Variants in OTC observed in about 807,000 individuals in gnomAD.
OTC encodes ornithine transcarbamylase, mitochondrial.
A neutral mutation model predicts 30.3 loss-of-function variants in OTC; 3 were observed. That is an observed-to-expected ratio of 0.10 (90% CI 0.05 to 0.26). OTC has a LOEUF of 0.26. OTC is among the 10% of genes least tolerant of loss of function. The probability of loss-of-function intolerance (pLI) is 1.00; values close to 1 mark genes in which losing one functional copy is unlikely to be tolerated. For missense variants in OTC, 194 were observed against 260.3 expected (o/e 0.75, Z 1.75); for synonymous variants, 111 against 99.7 (o/e 1.11, Z -0.67).
At chrX:38,422,612 C>T (rs1194035183), downstream of OTC, among the ~76,000 whole-genome samples, 1 of 111,957 alleles carries the variant, frequency 8.9e-6, no homozygotes, top group Non-Finnish European at 1.9e-5. Context: ...ATTTTCTTGC[C>T]AAAATATAGT....
chrX:38,348,380 C>T (rs1354372157), upstream of OTC, among the ~76,000 whole-genome samples: 1 of 111,274 alleles, frequency 9.0e-6, no homozygotes, highest in African/African-American at 3.3e-5. Context: ...CCTTTGACTA[C>T]CGATTAAATT....
chrX:38,417,258 A>G (rs773837130), intron 9 of OTC, among the ~76,000 whole-genome samples: 77 of 111,887 alleles, frequency 6.9e-4, no homozygotes, highest in Non-Finnish European at 1.1e-3. Context: ...TAAAGGCAAT[A>G]TAGGGAATTG....
At chrX:38,338,395 C>G in the OTC span, among the ~76,000 whole-genome samples, 1 of 112,223 alleles carries the variant, frequency 8.9e-6, no homozygotes, top group Non-Finnish European at 1.9e-5. Flanking sequence ...TTCTAAAGTT[C>G]AGTTTACTGT....
intron 4 of OTC, among the ~76,000 whole-genome samples, chrX:38,381,899 A>G (rs1467938313): frequency 8.9e-6 from 1 of 112,483 alleles, no homozygotes; most frequent in African/African-American, 3.2e-5. Flanking sequence ...AAACAACTTA[A>G]TTAGGCACAG....
intron 6 of OTC, among the ~76,000 whole-genome samples, chrX:38,407,383 T>G (rs2068520444): frequency 8.9e-6 from 1 of 112,288 alleles, no homozygotes; most frequent in South Asian, 3.8e-4. Context: ...CCTTTATTCA[T>G]GATTATTCCT....
chrX:38,413,003 G>A (rs998164524), intron 9 of OTC, among the ~76,000 whole-genome samples: 5 of 111,722 alleles, frequency 4.5e-5, no homozygotes, highest in Non-Finnish European at 9.4e-5. Flanking sequence ...TTCTCTACCT[G>A]CATATGTAGC....
Position 38,403,537 on chromosome X carries a change from CTATT to C in OTC, c.541-75_541-72del, listed in dbSNP as rs1333442118. ...CAAGGCACTAATACTGAGATTAAGA[CTATT>C]TATTTTAACCTTAGTAATTGCTACA... On this transcript the variant is annotated intron_variant, in intron 5 of 9. Coordinates refer to ENST00000039007, the MANE Select transcript of OTC (RefSeq NM_000531.6). 5 of 1,032,203 alleles carry C rather than the reference CTATT, an allele frequency of 4.8e-6. No individual in the cohort carries two copies. The East Asian group carries it at 1.2e-4, about 25-fold the overall frequency. 85.1% of individuals were successfully genotyped at this position (1,032,203 alleles called of 1,213,427 possible). A position where few individuals can be genotyped will look rare whatever the true frequency, so the allele number is the denominator to read the frequency against.
intron 3 of OTC, among the ~76,000 whole-genome samples, chrX:38,379,919 G>C (rs757053078): frequency 5.4e-5 from 6 of 112,078 alleles, no homozygotes; most frequent in Non-Finnish European, 7.5e-5. Context: ...CAAATAAACA[G>C]AAAAGTAAAA....
upstream of OTC, among the ~76,000 whole-genome samples, chrX:38,348,557 G>C (rs1439699914): frequency 6.9e-5 from 2 of 29,016 alleles, no homozygotes; most frequent in African/African-American, 1.1e-4. Context: ...TTTTTTTTGA[G>C]ATGGAGTCTT....
At chrX:38,368,577 A>G (rs2068308407) in intron 2 of OTC, among the ~76,000 whole-genome samples, 1 of 108,417 alleles carries the variant, frequency 9.2e-6, no homozygotes, top group African/African-American at 3.4e-5. Context: ...ATTTTGAGCA[A>G]TTTATCTTCG....
At position 38,379,937 on chromosome X, in the gene OTC, C is replaced by T. The variant is rs138397529; in HGVS notation, c.299-1405C>T. 3.6e-5 allele frequency among the ~76,000 whole-genome samples: 4 copies of T among 112,029 alleles called. No homozygotes were observed. The East Asian group carries it at 8.4e-4, about 23-fold the overall frequency. On this transcript the variant is annotated intron_variant, in intron 3 of 9. Coordinates refer to ENST00000039007, the MANE Select transcript of OTC (RefSeq NM_000531.6). Reference sequence around the variant, plus strand: ...ATAAACAGAAAAGTAAAAAGATTAGCATAATGAGCATACCAATACCCTTTA... The same window carrying T: ...ATAAACAGAAAAGTAAAAAGATTAGTATAATGAGCATACCAATACCCTTTA...
chrX:38,345,866 G>A, the OTC span, among the ~76,000 whole-genome samples: 1 of 111,019 alleles, frequency 9.0e-6, no homozygotes, highest in Non-Finnish European at 1.9e-5. Flanking sequence ...TACTACAAAG[G>A]CAATCTAGTC....
At chrX:38,394,094 A>G (rs1297617616) in intron 4 of OTC, among the ~76,000 whole-genome samples, 1 of 112,341 alleles carries the variant, frequency 8.9e-6, no homozygotes, top group Non-Finnish European at 1.9e-5. Context: ...AAGTAAAGCA[A>G]TACATTCATT....
At chrX:38,377,588 T>G (rs1415559159) in intron 3 of OTC, among the ~76,000 whole-genome samples, 1 of 112,353 alleles carries the variant, frequency 8.9e-6, no homozygotes, top group African/African-American at 3.2e-5. Flanking sequence ...ACACGTTAGC[T>G]GCTACCACCT....
At chrX:38,365,342 G>A (rs760020791) in intron 1 of OTC, among the ~76,000 whole-genome samples, 9 of 112,698 alleles carry the variant, frequency 8.0e-5, no homozygotes, top group Non-Finnish European at 1.5e-4. Flanking sequence ...AATGATTACC[G>A]CAAATAACAA....
chrX:38,349,962 C>T (rs1188884861), upstream of OTC, among the ~76,000 whole-genome samples: 7 of 111,690 alleles, frequency 6.3e-5, no homozygotes, highest in African/African-American at 2.3e-4. Context: ...TCTATTTGTT[C>T]CTTCCTTTAG....
chrX:38,404,583 C>T (rs1002596768), intron 6 of OTC, among the ~76,000 whole-genome samples: 10 of 111,794 alleles, frequency 8.9e-5, no homozygotes, highest in East Asian at 8.4e-4. Context: ...TATTCTTTCA[C>T]ATGGAAAAAT....
intron 4 of OTC, among the ~76,000 whole-genome samples, chrX:38,385,537 T>C (rs1467428596): frequency 9.0e-6 from 1 of 111,580 alleles, no homozygotes. Context: ...TACGCAATGC[T>C]GTAGGAAGAG....
chrX:38,411,531 T>C (rs933279853), intron 8 of OTC, among the ~76,000 whole-genome samples: 40 of 110,279 alleles, frequency 3.6e-4, no homozygotes, highest in African/African-American at 1.3e-3. Context: ...CTGGGCATGG[T>C]GGCACATGCC....
Sources: gnomAD v4.1 joint callset for allele counts (sites outside exome capture counted in the v4.1 genomes callset) on GRCh38, gnomAD v4.1.1 for gene constraint, MANE v1.5 for transcripts, NCBI Gene and HGNC (gene_info 2026-07-23, HGNC 2026-07-21) for gene names.